Variants in CPNE8 observed in about 807,000 individuals in gnomAD.
The protein encoded by CPNE8 is copine 8.
A neutral mutation model predicts 81.5 loss-of-function variants in CPNE8; 45 were observed. The ratio of observed to expected loss-of-function variants is 0.55; its 90% confidence interval spans 0.44 to 0.71. CPNE8 has a LOEUF of 0.71. Among genes scored for constraint, CPNE8 ranks in the 30% least tolerant of loss-of-function variants. The probability of loss-of-function intolerance (pLI) is 0.00; values close to 1 mark genes in which losing one functional copy is unlikely to be tolerated. For synonymous variants in CPNE8, 252 were observed against 226.3 expected (o/e 1.11, Z -1.02); for missense variants, 594 against 672.1 (o/e 0.88, Z 1.28).
chr12:38,712,960 T>A (rs1310513887), intron 13 of CPNE8, among the ~76,000 whole-genome samples: 3 of 152,158 alleles, frequency 2.0e-5, no homozygotes, highest in Non-Finnish European at 4.4e-5. Flanking sequence ...AACTTTGAGA[T>A]TTTTCAGAAA....
intron 15 of CPNE8, among the ~76,000 whole-genome samples, chr12:38,687,763 G>A (rs1939565806): frequency 6.6e-6 from 1 of 152,110 alleles, no homozygotes. Flanking sequence ...TATCATTCGT[G>A]ACAGAGGGAT....
chr12:38,725,045 A>G, intron 11 of CPNE8, 146 bp from the exon 12 acceptor site: 1 of 735,820 alleles, frequency 1.4e-6, no homozygotes, highest in Non-Finnish European at 2.3e-6. Context: ...GACTTTGGAC[A>G]GTCATTCAGT....
intron 1 of CPNE8, among the ~76,000 whole-genome samples, chr12:38,874,884 T>A (rs1483632035): frequency 6.6e-6 from 1 of 152,188 alleles, no homozygotes; most frequent in East Asian, 1.9e-4. Context: ...AATTGAATTG[T>A]GAGTTGTTAT....
chr12:38,682,812 T>C (rs747702110), intron 16 of CPNE8, among the ~76,000 whole-genome samples: 7 of 152,108 alleles, frequency 4.6e-5, no homozygotes, highest in Non-Finnish European at 7.4e-5. Context: ...GTGCAGTACA[T>C]TTGAGAGAAT....
At chr12:38,785,997 AAGAAG>A (rs756927213) in intron 6 of CPNE8, among the ~76,000 whole-genome samples, 22 of 152,178 alleles carry the variant, frequency 1.4e-4, no homozygotes, top group Non-Finnish European at 2.5e-4. Context: ...GAAGGAAAGA[AAGAAG>A]AGAACACAAA....
rs1472116266 is a variant in CPNE8, at chr12:38,659,354, C to G, written c.1507-5284G>C. Among the ~76,000 whole-genome samples the G allele has an allele frequency of 1.1e-4, 16 of 152,270 alleles. No homozygotes were observed. In the East Asian group the frequency reaches 2.3e-3, roughly 22 times the overall value. The stretch of plus-strand genomic sequence containing the variant: ...CAATTCAACAAGAAGAGCTAACTAT[C>G]CTAAATATATATGCACCCAATACAA... On this transcript the variant is annotated intron_variant, in intron 19 of 19. Coordinates refer to ENST00000331366, the MANE Select transcript of CPNE8 (RefSeq NM_153634.3).
intron 6 of CPNE8, among the ~76,000 whole-genome samples, chr12:38,788,893 A>T (rs532839903): frequency 6.6e-4 from 101 of 151,954 alleles, no homozygotes; most frequent in African/African-American, 2.4e-3. Flanking sequence ...GGAATTAGCC[A>T]AAGAAGTAAA....
At chr12:38,735,508 T>C (rs978983785) in intron 10 of CPNE8, among the ~76,000 whole-genome samples, 1 of 152,000 alleles carries the variant, frequency 6.6e-6, no homozygotes, top group African/African-American at 2.4e-5. Flanking sequence ...ACGTATTAGC[T>C]CTCTCTGATT....
chr12:38,665,472 G>A (rs1333137528), intron 19 of CPNE8, among the ~76,000 whole-genome samples: 2 of 151,416 alleles, frequency 1.3e-5, no homozygotes, highest in Non-Finnish European at 2.9e-5. Flanking sequence ...CCACATGACT[G>A]CTCTAGCTGC....
At chr12:38,771,681 A>G (rs1941807602) in intron 7 of CPNE8, among the ~76,000 whole-genome samples, 1 of 152,222 alleles carries the variant, frequency 6.6e-6, no homozygotes, top group Non-Finnish European at 1.5e-5. Context: ...CCTATAGAGT[A>G]TCCATCTAAA....
chr12:38,848,979 A>AAT (rs1468003037), intron 3 of CPNE8, among the ~76,000 whole-genome samples: 2 of 152,128 alleles, frequency 1.3e-5, no homozygotes, highest in Non-Finnish European at 2.9e-5. Flanking sequence ...ATGTATTATA[A>AAT]ATTATTTTCC....
intron 3 of CPNE8, among the ~76,000 whole-genome samples, chr12:38,858,727 C>A (rs1019907048): frequency 6.6e-6 from 1 of 152,136 alleles, no homozygotes; most frequent in African/African-American, 2.4e-5. Flanking sequence ...TAAGCCTCAC[C>A]TCTGGAGTTG....
At position 38,723,814 on chromosome 12, in the gene CPNE8, AAGAAAGAG is replaced by A. The variant is rs1158453504; in HGVS notation, c.864_871del (p.Ser289GlyfsTer9). On this transcript the variant is annotated frameshift_variant, in exon 13 of 20. Transcript: ENST00000331366. LOFTEE classifies it high-confidence loss of function. ...AAGGAATGAAACTTCTGTTTCTACC[AAGAAAGAG>A]AGTAAAGTTACCTGAAAAAGAAAAA... 1 of 1,586,876 alleles carries A rather than the reference AAGAAAGAG, an allele frequency of 6.3e-7. No individual in the cohort carries two copies. The highest frequency in any genetic ancestry group is 2.2e-5 in the East Asian group (1 of 44,634).
chr12:38,865,388 G>A (rs1943899311), intron 3 of CPNE8, among the ~76,000 whole-genome samples: 1 of 152,194 alleles, frequency 6.6e-6, no homozygotes, highest in African/African-American at 2.4e-5. Flanking sequence ...CCAAAAATCT[G>A]TCCAAAGTAG....
At chr12:38,704,864 T>TATATATATATATATATA (rs1940064957) in intron 13 of CPNE8, among the ~76,000 whole-genome samples, 3 of 73,832 alleles carry the variant, frequency 4.1e-5, no homozygotes, top group African/African-American at 1.1e-4. Flanking sequence ...ATATATATAT[T>TATATATATATATATATA]TAAATTTCGG....
intron 18 of CPNE8, among the ~76,000 whole-genome samples, chr12:38,672,000 A>G (rs964404364): frequency 6.6e-6 from 1 of 152,190 alleles, no homozygotes; most frequent in Non-Finnish European, 1.5e-5. Flanking sequence ...ATATGTAAAT[A>G]TAACTCATTA....
At position 38,785,509 on chromosome 12, in the gene CPNE8, T is replaced by C. The variant is rs1204344745; in HGVS notation, c.408-9208A>G. Among the ~76,000 whole-genome samples the C allele has an allele frequency of 2.0e-5, 3 of 152,254 alleles. No individual in the cohort carries two copies. In the East Asian group the frequency reaches 5.8e-4, roughly 29 times the overall value. ...ATTTCCCAGGCTGTTCTTGTGATAG[T>C]GAATAAGTCTTAGAAGATCTGATGA... On this transcript the variant is annotated intron_variant, in intron 6 of 19. Transcript: ENST00000331366.
Position 38,702,891 on chromosome 12 carries a change from A to G in CPNE8, c.945T>C (p.Asp315=). The G allele has an allele frequency of 6.4e-7, 1 of 1,568,270 alleles. No homozygotes were observed. The highest frequency in any genetic ancestry group is 8.7e-7 in the Non-Finnish European group (1 of 1,154,760). ...AACACTCACCGTTTGATGCTGTAAA[A>G]TCAATAGCCACTGTGAAATTGATTT... The part of the protein sequence containing the change: ...GTQINFTVAI[D]FTASNGNPAQ... Residue 315 remains aspartate, a synonymous_variant, in exon 14 of 20, where the codon GAT becomes GAC. Transcript: ENST00000331366.
chr12:38,723,916 T>C, intron 12 of CPNE8, 83 bp from the exon 13 acceptor site: 1 of 791,584 alleles, frequency 1.3e-6, no homozygotes, highest in Non-Finnish European at 2.1e-6. Context: ...GAAAATCATA[T>C]TTCTTTGCAT....
Sources: allele counts gnomAD v4.1 joint callset (sites outside exome capture counted in the v4.1 genomes callset), GRCh38; gene constraint gnomAD v4.1.1; transcripts MANE v1.5; gene names NCBI Gene and HGNC (gene_info 2026-07-23, HGNC 2026-07-21).